Variants in DCAF1 observed in about 807,000 individuals in gnomAD.
DCAF1 encodes DDB1- and CUL4-associated factor 1.
Under a neutral mutation model 128.0 loss-of-function variants are expected in DCAF1, and 15 were observed. That is an observed-to-expected ratio of 0.12 (90% CI 0.08 to 0.18). The LOEUF is 0.18. Ranked by LOEUF, DCAF1 falls within the 10% of genes least tolerant of loss-of-function variation. The pLI is 1.00. For synonymous variants in DCAF1, 610 were observed against 603.0 expected, an observed-to-expected ratio of 1.01 and a Z score of -0.17; for missense variants, 988 against 1,649.5, an observed-to-expected ratio of 0.60 and a Z score of 6.95.
At chr3:51,425,973 C>A (rs782294474) in intron 13 of DCAF1, among the ~76,000 whole-genome samples, 1 of 152,174 alleles carries the variant, frequency 6.6e-6, no homozygotes, top group Non-Finnish European at 1.5e-5. Flanking sequence ...AAGTCTGAGA[C>A]CCTTTCAGAA....
chr3:51,464,153 C>A (rs560624128), intron 5 of DCAF1, among the ~76,000 whole-genome samples: 1 of 152,094 alleles, frequency 6.6e-6, no homozygotes, highest in African/African-American at 2.4e-5. Context: ...TCACATCTGG[C>A]CCCCACACCA....
At chr3:51,444,666 T>TATTG (rs542801227) in intron 6 of DCAF1, among the ~76,000 whole-genome samples, 25 of 150,170 alleles carry the variant, frequency 1.7e-4, no homozygotes, top group African/African-American at 2.2e-4. Context: ...AAACTTATTT[T>TATTG]ATTGATTGAT....
chr3:51,483,297 G>A (rs374527768), intron 3 of DCAF1, among the ~76,000 whole-genome samples: 4 of 151,482 alleles, frequency 2.6e-5, no homozygotes, highest in Non-Finnish European at 5.9e-5. Flanking sequence ...AAAAGTAGCC[G>A]GGCATGGTGG....
At chr3:51,443,983 A>G in intron 6 of DCAF1, 80 bp from the exon 7 acceptor site, 1 of 1,382,370 alleles carries the variant, frequency 7.2e-7, no homozygotes, top group Non-Finnish European at 9.7e-7. Flanking sequence ...TTTCAGTCTC[A>G]TGAAAAAAAT....
chr3:51,413,151 A>G, intron 21 of DCAF1, 85 bp from the exon 22 acceptor site: 1 of 1,577,400 alleles, frequency 6.3e-7, no homozygotes. Flanking sequence ...ATTCAGGATG[A>G]TTGCTCAAAA....
chr3:51,441,287 G>A, intron 8 of DCAF1, 98 bp downstream of exon 8: 1 of 1,414,446 alleles, frequency 7.1e-7, no homozygotes, highest in Non-Finnish European at 9.4e-7. Flanking sequence ...TTGTGGTAGA[G>A]TTAGAATATA....
chr3:51,491,447 CACAGAG>C (rs1169005336), intron 2 of DCAF1, among the ~76,000 whole-genome samples: 1 of 151,618 alleles, frequency 6.6e-6, no homozygotes, highest in Non-Finnish European at 1.5e-5. Flanking sequence ...TAAGGATCAA[CACAGAG>C]ACAAATACAA....
At chr3:51,493,828 C>G (rs1707936866) in intron 2 of DCAF1, among the ~76,000 whole-genome samples, 1 of 151,836 alleles carries the variant, frequency 6.6e-6, no homozygotes. Flanking sequence ...AAACCCCCGT[C>G]TCTACTGAAA....
rs1553645174 is a variant in DCAF1 at position 51,463,111 on chromosome 3, T to C, written c.375+3A>G. 2 of 1,576,710 alleles carry C rather than the reference T, an allele frequency of 1.3e-6. No homozygotes were observed. Among genetic ancestry groups the C allele is most frequent in the Admixed American group, 3.7e-5 (2 of 53,938 alleles). ...AATTATGACTTTACTTTTCACTAAG[T>C]ACCTTTTCTTGAAAGACGACAGCAG... On this transcript the variant is annotated splice_donor_region_variant and intron_variant, in intron 6 of 24. Coordinates refer to ENST00000684031, the MANE Select transcript of DCAF1 (RefSeq NM_001387579.1).
chr3:51,401,088 C>T (rs890497765), intron 24 of DCAF1, among the ~76,000 whole-genome samples: 32 of 144,754 alleles, frequency 2.2e-4, no homozygotes, highest in African/African-American at 6.7e-4. Context: ...GCCAAGACTG[C>T]GCCACTGCAC....
At chr3:51,486,012 C>G (rs534230090) in intron 2 of DCAF1, among the ~76,000 whole-genome samples, 73 of 151,878 alleles carry the variant, frequency 4.8e-4, no homozygotes, top group Admixed American at 1.3e-3. Context: ...CTGCCTCAGC[C>G]TCCCAAGTAG....
chr3:51,413,433 C>T lies in DCAF1; in HGVS notation c.3932-47G>A, dbSNP rs533995749. 4.4e-6 allele frequency: 7 copies of T among 1,577,198 alleles called. No individual in the cohort carries two copies. The South Asian group carries it at 6.9e-5, about 16-fold the overall frequency. On this transcript the variant is annotated intron_variant, in intron 20 of 24. Transcript: ENST00000684031. ...AAACACTATTAGGAATCACAAACAT[C>T]CCCTCTTCACAAGTGCAGAAAATGT...
intron 3 of DCAF1, among the ~76,000 whole-genome samples, chr3:51,478,397 T>G (rs1330674770): frequency 6.6e-6 from 1 of 152,118 alleles, no homozygotes; most frequent in Non-Finnish European, 1.5e-5. Flanking sequence ...CATAGCATAG[T>G]GAAAAAGTTG....
chr3:51,412,606 C>A, intron 22 of DCAF1, 126 bp from the exon 23 acceptor site: 5 of 1,444,004 alleles, frequency 3.5e-6, no homozygotes, highest in Admixed American at 2.3e-5. Flanking sequence ...ACCCGAAATT[C>A]TTGAGCTGAC....
intron 6 of DCAF1, 108 bp downstream of exon 6, chr3:51,463,006 C>A: frequency 1.8e-6 from 1 of 569,252 alleles, no homozygotes; most frequent in Non-Finnish European, 2.8e-6. Flanking sequence ...ACATATATTA[C>A]TATATGAATA....
chr3:51,449,062 T>C (rs1481324607), intron 6 of DCAF1, among the ~76,000 whole-genome samples: 1 of 151,718 alleles, frequency 6.6e-6, no homozygotes, highest in African/African-American at 2.4e-5. Context: ...CACAAATACA[T>C]GAAAATTAAA....
chr3:51,488,701 G>C (rs1553656585), intron 2 of DCAF1, among the ~76,000 whole-genome samples: 1 of 152,180 alleles, frequency 6.6e-6, no homozygotes, highest in Admixed American at 6.5e-5. Flanking sequence ...TACTTGGGAG[G>C]GTGAGGCAGG....
chr3:51,495,508 A>C (rs1708133791), intron 2 of DCAF1, among the ~76,000 whole-genome samples: 1 of 151,560 alleles, frequency 6.6e-6, no homozygotes, highest in African/African-American at 2.4e-5. Flanking sequence ...ATAAAGGAAA[A>C]TATAAACTTG....
chr3:51,409,477 GCC>G (rs1698204551), intron 23 of DCAF1, among the ~76,000 whole-genome samples: 1 of 152,172 alleles, frequency 6.6e-6, no homozygotes, highest in African/African-American at 2.4e-5. Context: ...GCCGCCCACT[GCC>G]TTATTAAATG....
Sources: allele counts gnomAD v4.1 joint callset (sites outside exome capture counted in the v4.1 genomes callset), GRCh38; gene constraint gnomAD v4.1.1; transcripts MANE v1.5; gene names NCBI Gene and HGNC (gene_info 2026-07-23, HGNC 2026-07-21).